Variants in ZNF90 observed in about 807,000 individuals in gnomAD.
ZNF90 encodes zinc finger protein 90.
In ZNF90, 11 loss-of-function variants were observed where a neutral mutation model predicts 12.0. The ratio of observed to expected loss-of-function variants is 0.92; its 90% CI spans 0.58 to 1.52. The LOEUF (loss-of-function observed/expected upper bound fraction) is 1.52, where lower values mean the gene tolerates loss of function less well. ZNF90 is among the 40% of genes most tolerant of loss of function. The pLI is 0.00. For synonymous variants in ZNF90, 232 were observed against 240.1 expected (o/e 0.97, Z 0.31); for missense variants, 765 against 711.5 (o/e 1.08, Z -0.86).
chr19:20,117,936 A>G lies in ZNF90; in HGVS notation c.382A>G (p.Arg128Gly). 1 of 1,613,620 alleles carries G rather than the reference A, an allele frequency of 6.2e-7. No homozygotes were observed. The change falls in exon 4 of 4, where the codon AGA (arginine) becomes GGA (glycine). Residue 128 changes from arginine to glycine, a missense_variant. Transcript: ENST00000418063. The part of the protein sequence containing the change: ...ESVDEGKVHK[R>G]GYNGLNQCLT... ...TGTGGATGAGGGTAAAGTACACAAA[A>G]GAGGTTATAATGGACTTAACCAATG...
rs1440363390 is a variant in ZNF90 at position 20,117,662 on chromosome 19, G to C, written c.227-119G>C. 2.8e-6 allele frequency: 4 copies of C among 1,405,494 alleles called. No individual in the cohort carries two copies. The African/African-American group carries it at 5.9e-5, about 21-fold the overall frequency. 87.1% of individuals were successfully genotyped at this position (1,405,494 alleles called of 1,614,324 possible). A position where few individuals can be genotyped will look rare whatever the true frequency, so the allele number is the denominator to read the frequency against. ...GCAATTGAAGTAATGTGTTCTTATTGTTTCTTTCAGTTATGTGTTTTCATT... is the reference window on the plus strand; with the variant it reads ...GCAATTGAAGTAATGTGTTCTTATTCTTTCTTTCAGTTATGTGTTTTCATT... On this transcript the variant is annotated intron_variant, in intron 3 of 3. Transcript: ENST00000418063.
intron 2 of ZNF90, 54 bp downstream of exon 2, chr19:20,104,419 G>A (rs546209513): frequency 2.6e-6 from 4 of 1,521,086 alleles, no homozygotes; most frequent in East Asian, 4.7e-5. Flanking sequence ...TTGTTTTTAT[G>A]TTTTTTTGTG....
At chr19:20,083,728 A>C (rs1294288983) in intron 1 of ZNF90, among the ~76,000 whole-genome samples, 4 of 152,146 alleles carry the variant, frequency 2.6e-5, no homozygotes, top group Non-Finnish European at 4.4e-5. Context: ...CATGATGTTT[A>C]TGTATCATAT....
intron 1 of ZNF90, chr19:20,080,632 G>T (rs907493918): frequency 5.5e-6 from 1 of 181,044 alleles, no homozygotes; most frequent in South Asian, 1.3e-4. Flanking sequence ...ACATTAAACC[G>T]GTAAACATCA....
Position 20,118,023 on chromosome 19 carries a change from T to C in ZNF90, c.469T>C (p.Phe157Leu). 1 of 1,612,082 alleles carries C rather than the reference T, an allele frequency of 6.2e-7. No individual in the cohort carries two copies. Among genetic ancestry groups the C allele is most frequent in the South Asian group, 1.1e-5 (1 of 90,842 alleles). The change falls in exon 4 of 4, where the codon TTT becomes CTT. Residue 157 changes from phenylalanine (F) to leucine (L), a missense_variant. By Grantham distance (22) the Phe-to-Leu change is conservative. Coordinates refer to ENST00000418063, the MANE Select transcript of ZNF90 (RefSeq NM_007138.2). ...TACATATGTGAAAGTCTCTCATATA[T>C]TTTCAAATTCAAACAGACATAAGAT... is the stretch of plus-strand genomic sequence containing the variant. ...CDTYVKVSHIFSNSNRHKIRD... is the reference protein window; with the variant it reads ...CDTYVKVSHILSNSNRHKIRD...
Position 20,114,740 on chromosome 19 carries a change from G to A in ZNF90, c.227-3041G>A, listed in dbSNP as rs1568292564. 2.6e-5 allele frequency among the ~76,000 whole-genome samples: 4 copies of A among 152,268 alleles called. No homozygotes were observed. In the East Asian group the frequency reaches 7.7e-4, roughly 29 times the overall value. ...AGTTGTATGAGCTATTGAGAAGGCT[G>A]TGTATCCTGATGTTGTTGAGGAGTG... On this transcript the variant is annotated intron_variant, in intron 3 of 3. Transcript: ENST00000418063.
intron 1 of ZNF90, among the ~76,000 whole-genome samples, chr19:20,092,908 G>A (rs547648833): frequency 6.6e-6 from 1 of 152,252 alleles, no homozygotes; most frequent in African/African-American, 2.4e-5. Flanking sequence ...ATTGAATAAG[G>A]TGAGAAGCGG....
Position 20,088,935 on chromosome 19 carries a change from C to T in ZNF90, c.3+10800C>T, listed in dbSNP as rs184006668. Among the ~76,000 whole-genome samples, 598 of 152,250 alleles carry T rather than the reference C, an allele frequency of 3.9e-3. 6 individuals carry two copies. The highest frequency in any genetic ancestry group is 0.017 in the Middle Eastern group (5 of 294). ...GTCATGAGGGGAACAGGGAGCTCTT[C>T]GGTCCTATTTGCAAATTGAATTTTG... On this transcript the variant is annotated intron_variant, in intron 1 of 3. Transcript: ENST00000418063.
In ZNF90 at chr19:20,120,710, A is replaced by G. The variant is rs1436466623; in HGVS notation, c.*1350A>G. The G allele has an allele frequency of 1.3e-5, 2 of 152,236 alleles. No individual in the cohort carries two copies. The highest frequency in any genetic ancestry group is 2.9e-5 in the Non-Finnish European group (2 of 68,034). The allele number at this position is 152,236 out of a possible 1,614,324, so 9.4% of individuals were successfully genotyped here. A position where few individuals can be genotyped will look rare whatever the true frequency, so the allele number is the denominator to read the frequency against. On this transcript the variant is annotated 3_prime_UTR_variant, in exon 4 of 4. Transcript: ENST00000418063. ...CAGTGTTGAGTATAAAAAAGAATCC[A>G]CAACAAAAATTGTTAGATAAATTAT...
At chr19:20,097,558 A>T (rs2088958227) in intron 1 of ZNF90, among the ~76,000 whole-genome samples, 1 of 152,232 alleles carries the variant, frequency 6.6e-6, no homozygotes, top group Non-Finnish European at 1.5e-5. Flanking sequence ...CAATTAGAGT[A>T]ACGTGTGCAT....
chr19:20,085,929 T>G (rs1599640176), intron 1 of ZNF90, among the ~76,000 whole-genome samples: 1 of 152,232 alleles, frequency 6.6e-6, no homozygotes, highest in Non-Finnish European at 1.5e-5. Context: ...TTTGTTTAGA[T>G]AAAAGCTCAT....
intron 3 of ZNF90, among the ~76,000 whole-genome samples, 190 bp downstream of exon 3, chr19:20,105,506 T>C (rs1378328898): frequency 2.0e-5 from 3 of 152,222 alleles, no homozygotes; most frequent in African/African-American, 7.2e-5. Flanking sequence ...TGCTTTTAAA[T>C]TTTCTAAGGA....
chr19:20,096,936 T>G (rs2088952151), intron 1 of ZNF90, among the ~76,000 whole-genome samples: 1 of 152,318 alleles, frequency 6.6e-6, no homozygotes, highest in Non-Finnish European at 1.5e-5. Flanking sequence ...TTCAAGCAGC[T>G]AAACCACCTC....
chr19:20,083,667 C>T (rs2088837975), intron 1 of ZNF90, among the ~76,000 whole-genome samples: 1 of 152,068 alleles, frequency 6.6e-6, no homozygotes, highest in Non-Finnish European at 1.5e-5. Flanking sequence ...CCAGCATCAT[C>T]GATGTTATTG....
chr19:20,103,980 T>A (rs1416905935), intron 1 of ZNF90, among the ~76,000 whole-genome samples: 2 of 152,232 alleles, frequency 1.3e-5, no homozygotes, highest in Non-Finnish European at 2.9e-5. Flanking sequence ...ATGTTCATGT[T>A]CATGCCCTTA....
rs782479644 is a variant in ZNF90, at chr19:20,119,336, A to G, written c.1782A>G (p.Ile594Met). 10 of 1,594,826 alleles carry G rather than the reference A, an allele frequency of 6.3e-6. No individual in the cohort carries two copies. In the Admixed American group the frequency reaches 1.4e-4, roughly 23 times the overall value. Reference protein sequence around the residue: ...KRIHIGQKAYIVKNMANL With the variant: ...KRIHIGQKAYMVKNMANL Reference sequence around the variant, plus strand: ...TTCATATTGGACAGAAAGCCTACATAGTGAAGAACATGGCAAATCTTTGAA... The same window carrying G: ...TTCATATTGGACAGAAAGCCTACATGGTGAAGAACATGGCAAATCTTTGAA... Residue 594 changes from isoleucine (I) to methionine (M), a missense_variant, in exon 4 of 4, where the codon ATA becomes ATG. By Grantham distance (10) the Ile-to-Met change is conservative. Transcript: ENST00000418063.
chr19:20,106,841 G>A (rs2089043729), intron 3 of ZNF90: 1 of 453,518 alleles, frequency 2.2e-6, no homozygotes, highest in African/African-American at 2.0e-5. Flanking sequence ...TAGTGAAGAG[G>A]GGTTGTAGCT....
At chr19:20,089,123 C>T (rs1599641569) in intron 1 of ZNF90, among the ~76,000 whole-genome samples, 1 of 152,114 alleles carries the variant, frequency 6.6e-6, no homozygotes, top group African/African-American at 2.4e-5. Context: ...TACCCAGACT[C>T]CTAGGGATCC....
At chr19:20,104,494 T>G (rs2089015184) in intron 2 of ZNF90, 129 bp downstream of exon 2, 1 of 1,125,160 alleles carries the variant, frequency 8.9e-7, no homozygotes, top group Non-Finnish European at 1.2e-6. Flanking sequence ...CCTGAAAATC[T>G]TCAGAATTTC....
Sources: gnomAD v4.1 joint callset for allele counts (sites outside exome capture counted in the v4.1 genomes callset) on GRCh38, gnomAD v4.1.1 for gene constraint, MANE v1.5 for transcripts, NCBI Gene and HGNC (gene_info 2026-07-23, HGNC 2026-07-21) for gene names.